The following IL31RA variants were observed in gnomAD, a reference collection of about 807,000 sequenced individuals.
The protein encoded by IL31RA is interleukin 31 receptor A.
In IL31RA, 66 loss-of-function variants were observed where a neutral mutation model predicts 83.7. The observed-to-expected ratio is 0.79, with a 90% CI of 0.65 to 0.97. IL31RA has a LOEUF of 0.97. IL31RA is among the 50% of genes least tolerant of loss of function. IL31RA has a pLI of 0.00. For synonymous variants in IL31RA, 325 were observed against 329.0 expected (o/e 0.99, Z 0.13); for missense variants, 798 against 919.4 (o/e 0.87, Z 1.71).
intron 7 of IL31RA, 80 bp downstream of exon 7, chr5:55,896,509 C>T: frequency 2.5e-6 from 2 of 804,360 alleles, no homozygotes; most frequent in African/African-American, 2.1e-5. Flanking sequence ...TCCCTCCCTT[C>T]CATCCCTTCC....
At chr5:55,851,767 C>CAT (rs1170679839) in intron 1 of IL31RA, 134 bp downstream of exon 1, 1 of 1,578,214 alleles carries the variant, frequency 6.3e-7, no homozygotes, top group Non-Finnish European at 8.7e-7. Context: ...GATTCCGTGG[C>CAT]ATAATTATGT....
At chr5:55,853,635 C>G (rs1047115264) in intron 1 of IL31RA, 1 of 1,512,022 alleles carries the variant, frequency 6.6e-7, no homozygotes, top group Non-Finnish European at 9.0e-7. Context: ...AAGTCTTTTT[C>G]TGTTTTCTTC....
intron 6 of IL31RA, 48 bp from the exon 7 acceptor site, chr5:55,896,302 G>A (rs1240748239): frequency 7.6e-7 from 1 of 1,308,332 alleles, no homozygotes; most frequent in Non-Finnish European, 1.1e-6. Context: ...TGTCTCCTCT[G>A]CAACTCCCTT....
At chr5:55,861,577 A>T (rs917879877) in intron 2 of IL31RA, among the ~76,000 whole-genome samples, 1 of 152,158 alleles carries the variant, frequency 6.6e-6, no homozygotes, top group East Asian at 1.9e-4. Flanking sequence ...CTTCCACAAA[A>T]CTGGTCCCTG....
At chr5:55,853,940 G>T (rs1745205648) in intron 1 of IL31RA, among the ~76,000 whole-genome samples, 2 of 152,222 alleles carry the variant, frequency 1.3e-5, no homozygotes, top group African/African-American at 4.8e-5. Flanking sequence ...GCTACCACAT[G>T]ATTTTAGTGG....
chr5:55,906,024 A>C, intron 8 of IL31RA, 82 bp from the exon 9 acceptor site: 1 of 1,392,658 alleles, frequency 7.2e-7, no homozygotes, highest in Non-Finnish European at 1.0e-6. Context: ...TTTACAGCTG[A>C]GGCAATGAGG....
At chr5:55,840,064 C>A in the IL31RA span, 1 of 379,590 alleles carries the variant, frequency 2.6e-6, no homozygotes, top group South Asian at 2.9e-5. Flanking sequence ...AGACCAGACA[C>A]CTGACTTCGG....
At chr5:55,885,927 A>G (rs1747568794) in intron 5 of IL31RA, among the ~76,000 whole-genome samples, 1 of 152,220 alleles carries the variant, frequency 6.6e-6, no homozygotes, top group Non-Finnish European at 1.5e-5. Flanking sequence ...TCTACTGGCT[A>G]TAAACCCTTA....
intron 2 of IL31RA, among the ~76,000 whole-genome samples, chr5:55,864,760 A>G (rs2112332929): frequency 6.6e-6 from 1 of 151,312 alleles, no homozygotes; most frequent in Non-Finnish European, 1.5e-5. Context: ...CACCACGTAC[A>G]CATACACACT....
chr5:55,913,126 T>C (rs1203664341), intron 12 of IL31RA, among the ~76,000 whole-genome samples: 3 of 152,152 alleles, frequency 2.0e-5, no homozygotes, highest in Non-Finnish European at 2.9e-5. Context: ...AGTTTAGCCC[T>C]GTCGCCTAGG....
intron 2 of IL31RA, among the ~76,000 whole-genome samples, chr5:55,865,637 A>G (rs142944538): frequency 0.011 from 1,686 of 152,268 alleles, 13 homozygotes; most frequent in Non-Finnish European, 0.02. Context: ...TGAAATATAT[A>G]TAATATTATT....
At chr5:55,889,684 G>C (rs980672036) in intron 5 of IL31RA, among the ~76,000 whole-genome samples, 7 of 152,178 alleles carry the variant, frequency 4.6e-5, no homozygotes, top group African/African-American at 1.7e-4. Flanking sequence ...GCAAGCAGCA[G>C]AGCTCTGCTC....
chr5:55,868,815 T>C lies in IL31RA; in HGVS notation c.179T>C (p.Ile60Thr), dbSNP rs1746341680. The C allele has an allele frequency of 4.4e-6, 7 of 1,608,052 alleles. No individual in the cohort carries two copies. In the Middle Eastern group the frequency reaches 4.9e-4, roughly 113 times the overall value. ...GCTCTGCCAGCTAAGCCTGAGAACATTTCCTGTGTCTACTACTATAGGAAA... is the reference window on the plus strand; with the variant it reads ...GCTCTGCCAGCTAAGCCTGAGAACACTTCCTGTGTCTACTACTATAGGAAA... ...LAALPAKPEN[I>T]SCVYYYRKNL... is the part of the protein sequence containing the mutation. The change falls in exon 3 of 15, where the codon ATT (isoleucine) becomes ACT (threonine). Residue 60 changes from isoleucine (I) to threonine (T), a missense_variant. Physicochemically the swap from Ile to Thr is moderately conservative, Grantham distance 89. Coordinates refer to ENST00000652347, the MANE Select transcript of IL31RA (RefSeq NM_139017.7).
At chr5:55,859,167 G>A (rs6886312) in intron 1 of IL31RA, among the ~76,000 whole-genome samples, 93,131 of 152,054 alleles carry the variant, frequency 0.61, 29,514 homozygotes, top group South Asian at 0.73. Context: ...GTTCCATTTG[G>A]CTGGAGGGCC....
chr5:55,866,406 G>A (rs777341536), intron 2 of IL31RA, among the ~76,000 whole-genome samples: 4 of 152,150 alleles, frequency 2.6e-5, no homozygotes, highest in Admixed American at 2.6e-4. Context: ...GGATGAAACC[G>A]TTCTACCTCA....
intron 1 of IL31RA, among the ~76,000 whole-genome samples, chr5:55,856,894 G>A (rs766376900): frequency 1.3e-5 from 2 of 152,082 alleles, no homozygotes; most frequent in Non-Finnish European, 2.9e-5. Context: ...GATACAATTA[G>A]TTGAGTAGAT....
intron 14 of IL31RA, among the ~76,000 whole-genome samples, chr5:55,915,724 T>C (rs1749747567): frequency 6.6e-6 from 1 of 152,186 alleles, no homozygotes; most frequent in African/African-American, 2.4e-5. Context: ...CTGGACTGAT[T>C]TATACCCCCA....
At chr5:55,896,230 C>CCT in intron 6 of IL31RA, 120 bp from the exon 7 acceptor site, 1 of 754,706 alleles carries the variant, frequency 1.3e-6, no homozygotes, top group Non-Finnish European at 2.5e-6. Flanking sequence ...CCCTCCACTC[C>CCT]TCACCTTATT....
At chr5:55,894,775 G>A (rs551269964) in intron 6 of IL31RA, among the ~76,000 whole-genome samples, 1 of 152,260 alleles carries the variant, frequency 6.6e-6, no homozygotes, top group South Asian at 2.1e-4. Context: ...GGAATGCAAT[G>A]GCGCGATCTC....
Sources: allele counts gnomAD v4.1 joint callset (sites outside exome capture counted in the v4.1 genomes callset), GRCh38; gene constraint gnomAD v4.1.1; transcripts MANE v1.5; gene names NCBI Gene and HGNC (gene_info 2026-07-23, HGNC 2026-07-21).